The following GHR variants were observed in gnomAD, a reference collection of about 807,000 sequenced individuals.
GHR encodes GH receptor.
A neutral mutation model predicts 67.1 loss-of-function variants in GHR; 35 were observed. The ratio of observed to expected loss-of-function variants is 0.52; its 90% CI spans 0.40 to 0.69. The LOEUF is 0.69. GHR is among the 30% of genes least tolerant of loss of function. The pLI is 0.00. For missense variants in GHR, 792 were observed against 764.6 expected (o/e 1.04, Z -0.42); for synonymous variants, 272 against 269.1 (o/e 1.01, Z -0.10).
At chr5:42,452,917 C>T (rs529922630) in intron 1 of GHR, among the ~76,000 whole-genome samples, 82 of 152,146 alleles carry the variant, frequency 5.4e-4, no homozygotes, top group African/African-American at 1.8e-3. Context: ...CTTCCTGGTT[C>T]GGATCCATTG....
intron 1 of GHR, among the ~76,000 whole-genome samples, chr5:42,538,923 G>A (rs1231724168): frequency 6.6e-6 from 1 of 152,020 alleles, no homozygotes; most frequent in African/African-American, 2.4e-5. Context: ...CAAAGACCTT[G>A]TCTTCAAGTT....
At chr5:42,546,609 ATTAG>A (rs1230358278) in intron 1 of GHR, among the ~76,000 whole-genome samples, 2 of 152,192 alleles carry the variant, frequency 1.3e-5, no homozygotes, top group Non-Finnish European at 2.9e-5. Context: ...ACTAGTAAAT[ATTAG>A]TTAGTCCAAG....
chr5:42,498,848 G>A (rs574279623), intron 1 of GHR, among the ~76,000 whole-genome samples: 8 of 152,306 alleles, frequency 5.3e-5, no homozygotes, highest in Admixed American at 1.3e-4. Flanking sequence ...TACAGAGCAG[G>A]AGATAATCAT....
chr5:42,598,377 G>A (rs1490004173), intron 2 of GHR, among the ~76,000 whole-genome samples: 1 of 152,140 alleles, frequency 6.6e-6, no homozygotes, highest in African/African-American at 2.4e-5. Context: ...GAAAGAACTG[G>A]GAAAACACCT....
intron 2 of GHR, among the ~76,000 whole-genome samples, chr5:42,594,653 A>G (rs1751971955): frequency 6.6e-6 from 1 of 152,194 alleles, no homozygotes; most frequent in South Asian, 2.1e-4. Context: ...TGTCACTTGT[A>G]AAACACTTTT....
At chr5:42,592,693 T>TTGTTATTG (rs1751850806) in intron 2 of GHR, among the ~76,000 whole-genome samples, 2 of 152,240 alleles carry the variant, frequency 1.3e-5, no homozygotes, top group African/African-American at 4.8e-5. Context: ...TCCTGTGTCT[T>TTGTTATTG]TGTTATTGTG....
chr5:42,642,117 A>G (rs899804694), intron 3 of GHR, among the ~76,000 whole-genome samples: 19 of 152,208 alleles, frequency 1.2e-4, no homozygotes, highest in African/African-American at 4.6e-4. Context: ...TGATGGAAAG[A>G]TAGAAACTAA....
rs1580168250 is a variant in GHR at position 42,670,666 on chromosome 5, A to G, written c.137-18224A>G. Among the ~76,000 whole-genome samples, 6 of 151,922 alleles carry G rather than the reference A, an allele frequency of 3.9e-5. No individual in the cohort carries two copies. The South Asian group carries it at 8.3e-4, about 21-fold the overall frequency. ...CCAAAAGGTACAAGGAAATCAAACT[A>G]CTCAATAACAAGAAAGCCAATTACC... On this transcript the variant is annotated intron_variant, in intron 3 of 9. Coordinates refer to ENST00000230882, the MANE Select transcript of GHR (RefSeq NM_000163.5).
intron 2 of GHR, among the ~76,000 whole-genome samples, chr5:42,611,996 G>A (rs567166596): frequency 3.2e-4 from 49 of 152,268 alleles, no homozygotes; most frequent in African/African-American, 1.1e-3. Context: ...ACCCATGTGT[G>A]ATGTATGCCT....
chr5:42,453,039 T>G (rs1021846905), intron 1 of GHR, among the ~76,000 whole-genome samples: 1 of 149,780 alleles, frequency 6.7e-6, no homozygotes, highest in Admixed American at 6.8e-5. Flanking sequence ...TAAAATTGTT[T>G]TTGTGGACTG....
intron 2 of GHR, among the ~76,000 whole-genome samples, chr5:42,625,744 A>T (rs1257812474): frequency 1.3e-5 from 2 of 152,006 alleles, no homozygotes; most frequent in Non-Finnish European, 2.9e-5. Context: ...AGGACTATTC[A>T]GGTTAAGATA....
At chr5:42,444,966 G>T (rs1253358264) in intron 1 of GHR, among the ~76,000 whole-genome samples, 1 of 152,158 alleles carries the variant, frequency 6.6e-6, no homozygotes. Context: ...CAGGATCTAT[G>T]TCTACAGCCT....
At chr5:42,581,920 C>G (rs544719805) in intron 2 of GHR, among the ~76,000 whole-genome samples, 5 of 152,350 alleles carry the variant, frequency 3.3e-5, no homozygotes, top group Admixed American at 6.5e-5. Flanking sequence ...GCTATCACTC[C>G]CTGGCCTCTC....
At chr5:42,599,817 G>T (rs1276721315) in intron 2 of GHR, among the ~76,000 whole-genome samples, 1 of 152,068 alleles carries the variant, frequency 6.6e-6, no homozygotes, top group East Asian at 1.9e-4. Flanking sequence ...TGCATTCTTT[G>T]AACAGTTGGC....
chr5:42,675,575 G>A (rs1756531934), intron 3 of GHR, among the ~76,000 whole-genome samples: 1 of 152,178 alleles, frequency 6.6e-6, no homozygotes, highest in African/African-American at 2.4e-5. Context: ...GGAAAGAGGA[G>A]AAGGAAGATT....
intron 1 of GHR, among the ~76,000 whole-genome samples, chr5:42,487,393 G>C (rs1005110230): frequency 6.6e-6 from 1 of 152,162 alleles, no homozygotes; most frequent in Non-Finnish European, 1.5e-5. Flanking sequence ...TGGCAAAAAG[G>C]TTTACTTAGA....
intron 1 of GHR, among the ~76,000 whole-genome samples, chr5:42,481,602 T>C (rs1745640574): frequency 6.6e-6 from 1 of 151,700 alleles, no homozygotes; most frequent in African/African-American, 2.4e-5. Flanking sequence ...TATTCTTTTT[T>C]CTCTAAACTT....
intron 2 of GHR, among the ~76,000 whole-genome samples, chr5:42,588,526 C>CAAAAAA (rs10716908): frequency 8.9e-5 from 4 of 45,120 alleles, no homozygotes; most frequent in African/African-American, 2.4e-4. Flanking sequence ...AACTCCATCT[C>CAAAAAA]AAAAAAAAAA....
chr5:42,432,496 A>G (rs1002603414), intron 1 of GHR, among the ~76,000 whole-genome samples: 4 of 152,202 alleles, frequency 2.6e-5, no homozygotes, highest in African/African-American at 9.6e-5. Context: ...GTGGCACATG[A>G]TCCTAATTCA....
Sources: allele counts gnomAD v4.1 joint callset (sites outside exome capture counted in the v4.1 genomes callset), GRCh38; gene constraint gnomAD v4.1.1; transcripts MANE v1.5; gene names NCBI Gene and HGNC (gene_info 2026-07-23, HGNC 2026-07-21).